Variants in VPS39 observed in about 807,000 individuals in gnomAD.
The protein encoded by VPS39 is VPS39 subunit of HOPS complex.
In VPS39, 70 loss-of-function variants were observed where a neutral mutation model predicts 121.0. The ratio of observed to expected loss-of-function variants is 0.58; its 90% CI spans 0.48 to 0.71. VPS39 has a LOEUF of 0.71. Ranked by LOEUF, VPS39 falls within the 30% of genes least tolerant of loss-of-function variation. VPS39 has a pLI of 0.00. For synonymous variants in VPS39, 378 were observed against 398.1 expected (o/e 0.95, Z 0.60); for missense variants, 818 against 1,051.5 (o/e 0.78, Z 3.07).
chr15:42,177,187 A>C (rs2049470768), intron 10 of VPS39, among the ~76,000 whole-genome samples: 1 of 151,062 alleles, frequency 6.6e-6, no homozygotes, highest in Admixed American at 6.6e-5. Context: ...AAAAAAAAAA[A>C]AACCTCAAAA....
intron 11 of VPS39, among the ~76,000 whole-genome samples, chr15:42,171,658 T>C (rs1214201492): frequency 1.3e-5 from 2 of 152,250 alleles, no homozygotes; most frequent in African/African-American, 4.8e-5. Flanking sequence ...TGGCATTAAA[T>C]ACATTCACAC....
chr15:42,161,799 G>A, intron 23 of VPS39, 26 bp from the exon 24 acceptor site: 1 of 1,613,142 alleles, frequency 6.2e-7, no homozygotes, highest in African/African-American at 1.3e-5. Flanking sequence ...GATTGAGGAA[G>A]AAGTTCTACA....
intron 8 of VPS39, among the ~76,000 whole-genome samples, chr15:42,182,144 C>A (rs976694754): frequency 6.6e-6 from 1 of 152,200 alleles, no homozygotes; most frequent in East Asian, 1.9e-4. Flanking sequence ...AGTTATATTT[C>A]TATCATTTTG....
At chr15:42,184,443 A>G (rs1047494046) in intron 8 of VPS39, 74 bp downstream of exon 8, 2 of 1,465,464 alleles carry the variant, frequency 1.4e-6, no homozygotes, top group Non-Finnish European at 1.8e-6. Flanking sequence ...AAAGCTACGA[A>G]TGGGACTCCG....
chr15:42,170,017 G>T, intron 11 of VPS39, 151 bp from the exon 12 acceptor site: 1 of 945,146 alleles, frequency 1.1e-6, no homozygotes, highest in South Asian at 2.9e-5. Context: ...ACGAGCTGTA[G>T]ACTTATGATT....
chr15:42,195,527 A>G (rs1264023532), intron 2 of VPS39, among the ~76,000 whole-genome samples: 1 of 152,196 alleles, frequency 6.6e-6, no homozygotes, highest in East Asian at 1.9e-4. Flanking sequence ...TACACCAATA[A>G]CAGACAAACA....
chr15:42,205,582 G>T (rs1377658186), intron 1 of VPS39, among the ~76,000 whole-genome samples: 2 of 152,204 alleles, frequency 1.3e-5, no homozygotes, highest in Non-Finnish European at 2.9e-5. Context: ...GAAGAAATCA[G>T]GGCCTGATCA....
chr15:42,165,920 A>C, intron 16 of VPS39, 104 bp from the exon 17 acceptor site: 1 of 1,155,336 alleles, frequency 8.7e-7, no homozygotes, highest in Middle Eastern at 2.1e-4. Flanking sequence ...TAGGAGGGCA[A>C]GGGTACGAGA....
intron 2 of VPS39, among the ~76,000 whole-genome samples, chr15:42,195,119 A>G (rs1458489529): frequency 2.5e-4 from 38 of 152,100 alleles, no homozygotes; most frequent in Admixed American, 2.4e-3. Context: ...TCAGACATGA[A>G]CAAATCTAAG....
At position 42,189,215 on chromosome 15, in the gene VPS39, G is replaced by A; in HGVS notation, c.248-7C>T. ...TGGACATAAATGTTATTTTCTGTTTGGGAGGAGGTATAACATCAGGATCAA... is the reference window on the plus strand; with the variant it reads ...TGGACATAAATGTTATTTTCTGTTTAGGAGGAGGTATAACATCAGGATCAA... On this transcript the variant is annotated splice_region_variant and splice_polypyrimidine_tract_variant and intron_variant, in intron 4 of 24. Transcript: ENST00000318006. 6.2e-7 allele frequency: 1 copy of A among 1,604,296 alleles called. No individual in the cohort carries two copies. The highest frequency in any genetic ancestry group is 8.5e-7 in the Non-Finnish European group (1 of 1,171,388).
At chr15:42,203,422 T>C (rs1010743881) in intron 1 of VPS39, among the ~76,000 whole-genome samples, 1 of 150,862 alleles carries the variant, frequency 6.6e-6, no homozygotes, top group African/African-American at 2.4e-5. Context: ...TGCAGTGAGC[T>C]GAGATCGTAC....
chr15:42,174,137 C>A (rs2049401856), intron 10 of VPS39, among the ~76,000 whole-genome samples: 1 of 152,078 alleles, frequency 6.6e-6, no homozygotes, highest in African/African-American at 2.4e-5. Context: ...GTCCCAGCTA[C>A]TCGGGAGGCT....
intron 18 of VPS39, chr15:42,164,716 T>C (rs2049207663): frequency 2.1e-6 from 3 of 1,430,302 alleles, no homozygotes; most frequent in South Asian, 3.1e-5. Flanking sequence ...TGGGCAAACC[T>C]GTTTCTTATC....
intron 19 of VPS39, 69 bp from the exon 20 acceptor site, chr15:42,163,797 C>CA (rs2049188489): frequency 9.0e-7 from 1 of 1,115,196 alleles, no homozygotes; most frequent in Non-Finnish European, 1.3e-6. Context: ...GCTATGCTGT[C>CA]AGAGGAGTGG....
chr15:42,163,799 G>C (rs1242290871), intron 19 of VPS39, 71 bp from the exon 20 acceptor site: 2 of 1,094,218 alleles, frequency 1.8e-6, no homozygotes, highest in Non-Finnish European at 2.7e-6. Context: ...TATGCTGTCA[G>C]AGGAGTGGAC....
chr15:42,183,526 G>A (rs1181633901), intron 8 of VPS39, among the ~76,000 whole-genome samples: 5 of 152,100 alleles, frequency 3.3e-5, no homozygotes, highest in African/African-American at 4.8e-5. Flanking sequence ...CCTGTATCAA[G>A]TCAGGCTCTG....
At chr15:42,171,077 AT>A (rs945851521) in intron 11 of VPS39, among the ~76,000 whole-genome samples, 11 of 152,104 alleles carry the variant, frequency 7.2e-5, no homozygotes, top group African/African-American at 2.4e-4. Flanking sequence ...TAGCCAACAT[AT>A]CCCCTCACTG....
rs149062725 is a variant in VPS39 at position 42,162,123 on chromosome 15, C to T, written c.2369G>A (p.Arg790His). Residue 790 changes from arginine (R) to histidine (H), a missense_variant, in exon 23 of 25, where the codon CGC becomes CAC. Arg to His is a conservative substitution (Grantham distance 29). Transcript: ENST00000318006. ...LPANTQINDI[R>H]IFLEKVLEEN... ...TTCCAAGACCTTTTCCAGGAAGATG[C>T]GTATGTCATTGATCTGAGTGTTTGC... is the stretch of plus-strand genomic sequence containing the variant. The T allele has an allele frequency of 5.2e-5, 84 of 1,614,016 alleles. 1 individual carries two copies. The highest frequency in any genetic ancestry group is 6.7e-5 in the African/African-American group (5 of 74,876).
chr15:42,162,104 G>C lies in VPS39; in HGVS notation c.2388C>G (p.Val796=), dbSNP rs761834637. The change falls in exon 23 of 25, where the codon GTC becomes GTG. Residue 796 remains valine (V), a synonymous_variant. Transcript: ENST00000318006. ...INDIRIFLEK[V]LEENAQKKRF... is the part of the protein sequence containing the mutation. ...GTTTCTTTTGTGCATTTTCTTCCAA[G>C]ACCTTTTCCAGGAAGATGCGTATGT... The C allele has an allele frequency of 6.2e-7, 1 of 1,614,214 alleles. No homozygotes were observed. Among genetic ancestry groups the C allele is most frequent in the South Asian group, 1.1e-5 (1 of 91,082 alleles).
Sources: allele counts gnomAD v4.1 joint callset (sites outside exome capture counted in the v4.1 genomes callset), GRCh38; gene constraint gnomAD v4.1.1; transcripts MANE v1.5; gene names NCBI Gene and HGNC (gene_info 2026-07-23, HGNC 2026-07-21).